Variants in SEMA5A observed in about 807,000 individuals in gnomAD.
SEMA5A encodes the protein semaphorin 5A, also known as semaphorin-5A.
SEMA5A carries 55 observed loss-of-function variants against 135.5 expected under a neutral mutation model. That is an observed-to-expected ratio of 0.41 (90% CI 0.33 to 0.51). The LOEUF (loss-of-function observed/expected upper bound fraction) is 0.51. SEMA5A is among the 20% of genes least tolerant of loss of function. The pLI is 0.37. For missense variants in SEMA5A, 1,290 were observed against 1,419.9 expected (o/e 0.91, Z 1.47); for synonymous variants, 580 against 546.5 (o/e 1.06, Z -0.85).
chr5:9,100,252 T>G (rs1199820878), intron 16 of SEMA5A, among the ~76,000 whole-genome samples: 1 of 152,156 alleles, frequency 6.6e-6, no homozygotes, highest in Non-Finnish European at 1.5e-5. Flanking sequence ...TCAGGATTTG[T>G]TTTCACAAAG....
intron 5 of SEMA5A, among the ~76,000 whole-genome samples, chr5:9,283,911 C>A (rs1341665475): frequency 6.6e-6 from 1 of 152,148 alleles, no homozygotes; most frequent in Non-Finnish European, 1.5e-5. Context: ...CAGGACATAA[C>A]ACAGAACCCG....
intron 15 of SEMA5A, among the ~76,000 whole-genome samples, chr5:9,109,158 A>T (rs1301010419): frequency 6.9e-6 from 1 of 145,066 alleles, no homozygotes; most frequent in Non-Finnish European, 1.5e-5. Context: ...CTCCTGCCTC[A>T]GCCTCCCAAG....
At chr5:9,311,433 G>A (rs1206525124) in intron 5 of SEMA5A, among the ~76,000 whole-genome samples, 2 of 152,022 alleles carry the variant, frequency 1.3e-5, no homozygotes, top group Non-Finnish European at 2.9e-5. Context: ...ATGAGTTTAT[G>A]TCCTTTGTAG....
At chr5:9,051,026 C>T (rs944679108) in intron 20 of SEMA5A, among the ~76,000 whole-genome samples, 1 of 152,154 alleles carries the variant, frequency 6.6e-6, no homozygotes, top group African/African-American at 2.4e-5. Context: ...AAATATCACT[C>T]GGTAGTCTAG....
At chr5:9,235,945 C>T (rs1747885041) in intron 6 of SEMA5A, among the ~76,000 whole-genome samples, 1 of 152,092 alleles carries the variant, frequency 6.6e-6, no homozygotes, top group Admixed American at 6.6e-5. Flanking sequence ...GGAGTCCACA[C>T]AATCATAGCA....
At chr5:9,186,496 A>G (rs1579566243) in intron 11 of SEMA5A, among the ~76,000 whole-genome samples, 3 of 152,334 alleles carry the variant, frequency 2.0e-5, no homozygotes, top group South Asian at 4.1e-4. Flanking sequence ...CAAGCCTGGA[A>G]GGATATCAAA....
chr5:9,372,593 A>C (rs1306030526), intron 3 of SEMA5A, among the ~76,000 whole-genome samples: 1 of 152,126 alleles, frequency 6.6e-6, no homozygotes, highest in Non-Finnish European at 1.5e-5. Context: ...AACCATAGAC[A>C]AGCATGGAGC....
At chr5:9,103,239 G>C (rs1217337270) in intron 16 of SEMA5A, among the ~76,000 whole-genome samples, 1 of 152,096 alleles carries the variant, frequency 6.6e-6, no homozygotes, top group African/African-American at 2.4e-5. Context: ...AGGAAAACAC[G>C]AGACGACCTT....
chr5:9,298,171 C>A (rs1379741644), intron 5 of SEMA5A, among the ~76,000 whole-genome samples: 1 of 148,810 alleles, frequency 6.7e-6, no homozygotes, highest in Non-Finnish European at 1.5e-5. Flanking sequence ...TTAGGGTGGG[C>A]CATAATCCAT....
At chr5:9,344,522 T>C (rs1475817029) in intron 3 of SEMA5A, among the ~76,000 whole-genome samples, 1 of 152,124 alleles carries the variant, frequency 6.6e-6, no homozygotes, top group Non-Finnish European at 1.5e-5. Context: ...GACAGGAATG[T>C]TCCAGCTTGG....
chr5:9,290,437 T>C (rs1214884539), intron 5 of SEMA5A, among the ~76,000 whole-genome samples: 2 of 152,206 alleles, frequency 1.3e-5, no homozygotes, highest in African/African-American at 4.8e-5. Context: ...TATCTACTTG[T>C]TGACTGATGG....
At chr5:9,385,814 T>TTTTTTA (rs1755861589) in intron 2 of SEMA5A, among the ~76,000 whole-genome samples, 2 of 141,596 alleles carry the variant, frequency 1.4e-5, no homozygotes, top group African/African-American at 2.7e-5. Flanking sequence ...TTTTTTTTTT[T>TTTTTTA]GAGACAGAGT....
intron 20 of SEMA5A, among the ~76,000 whole-genome samples, chr5:9,050,670 T>C (rs1390480665): frequency 6.6e-6 from 1 of 152,202 alleles, no homozygotes; most frequent in East Asian, 1.9e-4. Flanking sequence ...TGGGGAGAGA[T>C]AAGATTCATT....
rs553613745 is a variant in SEMA5A at position 9,456,468 on chromosome 5, AAAGGAC to A, written c.-174-18622_-174-18617del. On this transcript the variant is annotated intron_variant, in intron 1 of 22. Coordinates refer to ENST00000382496, the MANE Select transcript of SEMA5A (RefSeq NM_003966.3). Reference sequence around the variant, plus strand: ...GGATTTCAAGGAGAAAACAGAGGAAAAAGGACAAGTAGAAAAAAAGGAAGGCTTCTT... The same window carrying A: ...GGATTTCAAGGAGAAAACAGAGGAAAAAGTAGAAAAAAAGGAAGGCTTCTT... Among the ~76,000 whole-genome samples, 27 of 115,138 alleles carry A rather than the reference AAAGGAC, an allele frequency of 2.3e-4. No homozygotes were observed. In the South Asian group the frequency reaches 4.4e-3, roughly 19 times the overall value. The allele number at this position is 115,138 out of a possible 152,430, so 75.5% of individuals were successfully genotyped here.
intron 3 of SEMA5A, among the ~76,000 whole-genome samples, chr5:9,339,173 T>C (rs527690031): frequency 2.0e-5 from 3 of 152,332 alleles, no homozygotes; most frequent in African/African-American, 7.2e-5. Flanking sequence ...TCCAGGACTT[T>C]ATAATTCAGT....
chr5:9,253,333 G>A (rs1748899524), intron 5 of SEMA5A, among the ~76,000 whole-genome samples: 1 of 152,126 alleles, frequency 6.6e-6, no homozygotes, highest in Non-Finnish European at 1.5e-5. Context: ...CTCAAGGACA[G>A]CTGATTTAAT....
At chr5:9,234,248 G>A (rs1011449303) in intron 6 of SEMA5A, among the ~76,000 whole-genome samples, 1 of 152,210 alleles carries the variant, frequency 6.6e-6, no homozygotes, top group African/African-American at 2.4e-5. Flanking sequence ...GTCCTTCGGA[G>A]GCTGCATTTG....
At position 9,317,633 on chromosome 5, in the gene SEMA5A, C is replaced by T. The variant is rs185231882; in HGVS notation, c.270+739G>A. ...CTCCAATCACCTCTTAGAGCTCTAG[C>T]ACATGAGAGTGAGACGAAAATTGGT... is the stretch of plus-strand genomic sequence containing the variant. On this transcript the variant is annotated intron_variant, in intron 5 of 22. Transcript: ENST00000382496. Among the ~76,000 whole-genome samples the T allele has an allele frequency of 1.7e-3, 264 of 152,280 alleles. 4 individuals carry two copies. Among genetic ancestry groups the T allele is most frequent in the Admixed American group, 0.016 (251 of 15,302 alleles).
chr5:9,083,559 T>C (rs556761282), intron 16 of SEMA5A, among the ~76,000 whole-genome samples: 7 of 151,054 alleles, frequency 4.6e-5, no homozygotes, highest in African/African-American at 1.5e-4. Context: ...ATAATCAAAA[T>C]ATCAGGTTTT....
Sources: allele counts gnomAD v4.1 joint callset (sites outside exome capture counted in the v4.1 genomes callset), GRCh38; gene constraint gnomAD v4.1.1; transcripts MANE v1.5; gene names NCBI Gene and HGNC (gene_info 2026-07-23, HGNC 2026-07-21).